The following VWA3A variants were observed in gnomAD, a reference collection of about 807,000 sequenced individuals.
The protein encoded by VWA3A is von Willebrand factor A domain-containing protein 3A.
A neutral mutation model predicts 160.4 loss-of-function variants in VWA3A; 134 were observed. The observed-to-expected ratio is 0.84, with a 90% confidence interval of 0.73 to 0.96. VWA3A has a LOEUF of 0.96. Among genes scored for constraint, VWA3A ranks in the 40% least tolerant of loss-of-function variants. The pLI is 0.00. For missense variants in VWA3A, 1,310 were observed against 1,447.9 expected (o/e 0.90, Z 1.55); for synonymous variants, 476 against 543.4 (o/e 0.88, Z 1.72).
rs1177960431 is a variant in VWA3A at position 22,122,277 on chromosome 16, ATGGG to A, written c.1356+664_1356+667del. Among the ~76,000 whole-genome samples, 5 of 149,046 alleles carry A rather than the reference ATGGG, an allele frequency of 3.4e-5. 1 individual carries two copies. The highest frequency in any genetic ancestry group is 1.3e-4 in the African/African-American group (5 of 39,464). On this transcript the variant is annotated intron_variant, in intron 14 of 33. Coordinates refer to ENST00000389398, the MANE Select transcript of VWA3A (RefSeq NM_173615.5). Reference sequence around the variant, plus strand: ...GATGGATGAGTGGATGGATGGATGGATGGGTGGATGGATGGATGGATGGATGGAT... The same window carrying A: ...GATGGATGAGTGGATGGATGGATGGATGGATGGATGGATGGATGGATGGAT...
rs918400326 is a variant in VWA3A at position 22,103,535 on chromosome 16, G to A, written c.483+6G>A. On this transcript the variant is annotated splice_donor_region_variant and intron_variant, in intron 6 of 33. Coordinates refer to ENST00000389398, the MANE Select transcript of VWA3A (RefSeq NM_173615.5). ...TCACAGAAAACAGCAAGAAGGTAAC[G>A]GGCATAGATTTCATTCTTTGCCCCC... The A allele has an allele frequency of 2.2e-5, 34 of 1,551,450 alleles. No homozygotes were observed. The highest frequency in any genetic ancestry group is 1.4e-4 in the Admixed American group (7 of 50,956).
In VWA3A at chr16:22,155,551, A is replaced by G. The variant is rs1276727082; in HGVS notation, c.3406-16A>G. On this transcript the variant is annotated splice_polypyrimidine_tract_variant and intron_variant, in intron 31 of 33. Coordinates refer to ENST00000389398, the MANE Select transcript of VWA3A (RefSeq NM_173615.5). Reference sequence around the variant, plus strand: ...CCATCCAGTCATAAACTTCACACTCATTTCCTCTTTTCAAGGATCCCACAT... The same window carrying G: ...CCATCCAGTCATAAACTTCACACTCGTTTCCTCTTTTCAAGGATCCCACAT... The G allele has an allele frequency of 6.2e-7, 1 of 1,612,088 alleles. No homozygotes were observed. The highest frequency in any genetic ancestry group is 2.2e-5 in the East Asian group (1 of 44,858).
At chr16:22,131,454 A>G (rs2045946434) in intron 18 of VWA3A, 131 bp from the exon 19 acceptor site, 5 of 1,475,112 alleles carry the variant, frequency 3.4e-6, no homozygotes, top group Middle Eastern at 1.9e-4. Flanking sequence ...CCACCTGGCC[A>G]TCTTCACTTT....
At chr16:22,094,349 A>T (rs1216270164) in intron 1 of VWA3A, among the ~76,000 whole-genome samples, 3 of 150,948 alleles carry the variant, frequency 2.0e-5, no homozygotes, top group Non-Finnish European at 4.4e-5. Flanking sequence ...GCATTGCCAC[A>T]TTATCCTGGT....
At chr16:22,121,440 T>G in intron 13 of VWA3A, 74 bp from the exon 14 acceptor site, 1 of 1,243,820 alleles carries the variant, frequency 8.0e-7, no homozygotes, top group Non-Finnish European at 1.2e-6. Context: ...CAAAACCCTG[T>G]CTCAAAAAAA....
At chr16:22,114,962 T>C (rs2141885244) in intron 8 of VWA3A, among the ~76,000 whole-genome samples, 1 of 152,186 alleles carries the variant, frequency 6.6e-6, no homozygotes, top group East Asian at 1.9e-4. Context: ...TGTACCACCA[T>C]ACCTGGCTAA....
At chr16:22,111,838 A>T (rs945296407) in intron 8 of VWA3A, among the ~76,000 whole-genome samples, 1 of 152,114 alleles carries the variant, frequency 6.6e-6, no homozygotes, top group African/African-American at 2.4e-5. Flanking sequence ...GCTGGTCCTG[A>T]CCTTCTGGCC....
chr16:22,147,868 A>G (rs564265713), intron 27 of VWA3A, among the ~76,000 whole-genome samples: 1 of 152,346 alleles, frequency 6.6e-6, no homozygotes, highest in South Asian at 2.1e-4. Context: ...CTTTAAGGAT[A>G]AGGAAATTCA....
At chr16:22,128,245 G>T (rs2045886535) in intron 17 of VWA3A, among the ~76,000 whole-genome samples, 1 of 152,174 alleles carries the variant, frequency 6.6e-6, no homozygotes, top group African/African-American at 2.4e-5. Context: ...ATACAATCGG[G>T]TTTGCGTCTT....
rs756509297 is a variant in VWA3A at position 22,131,248 on chromosome 16, G to A, written c.1696G>A (p.Val566Met). ...AAGCTGGAGGCCTGAGATGGTTCCC[G>A]TGAGTCACAACAATTTACAAAGTGC... ...IESWRPEMVP[V>M]SHNNLQSAWR... Residue 566 changes from valine to methionine, a missense_variant, in exon 18 of 34, where the codon GTG (valine) becomes ATG (methionine). By Grantham distance (21) the Val-to-Met change is conservative. Coordinates refer to ENST00000389398, the MANE Select transcript of VWA3A (RefSeq NM_173615.5). 24 of 1,613,968 alleles carry A rather than the reference G, an allele frequency of 1.5e-5. No individual in the cohort carries two copies. The highest frequency in any genetic ancestry group is 2.2e-5 in the East Asian group (1 of 44,886).
intron 3 of VWA3A, among the ~76,000 whole-genome samples, chr16:22,099,967 C>T (rs558513956): frequency 1.9e-4 from 29 of 151,904 alleles, no homozygotes; most frequent in Non-Finnish European, 3.8e-4. Flanking sequence ...CCCAGCTACT[C>T]GGGAGGCAGA....
At chr16:22,126,397 C>A in intron 17 of VWA3A, 100 bp downstream of exon 17, 6 of 1,479,436 alleles carry the variant, frequency 4.1e-6, no homozygotes, top group Non-Finnish European at 5.4e-6. Flanking sequence ...TAGATATTGA[C>A]GTCATGGTCA....
intron 19 of VWA3A, chr16:22,132,652 G>A (rs2141962451): frequency 3.9e-6 from 2 of 511,388 alleles, no homozygotes; most frequent in South Asian, 3.4e-5. Context: ...GGCTTCCAGG[G>A]GATGTGGATG....
chr16:22,132,651 G>A (rs1008689534), intron 19 of VWA3A: 1 of 508,636 alleles, frequency 2.0e-6, no homozygotes, highest in Non-Finnish European at 3.5e-6. Flanking sequence ...AGGCTTCCAG[G>A]GGATGTGGAT....
intron 20 of VWA3A, among the ~76,000 whole-genome samples, chr16:22,134,008 G>A (rs2045996933): frequency 6.6e-6 from 1 of 152,052 alleles, no homozygotes; most frequent in Non-Finnish European, 1.5e-5. Context: ...CTGTCACCCA[G>A]GCTGGAGTGC....
chr16:22,116,666 G>T, intron 9 of VWA3A, 93 bp from the exon 10 acceptor site: 1 of 991,834 alleles, frequency 1.0e-6, no homozygotes, highest in East Asian at 2.5e-5. Flanking sequence ...GTTAAGAATG[G>T]GTAGATGTTC....
At position 22,103,538 on chromosome 16, in the gene VWA3A, C is replaced by A; in HGVS notation, c.483+9C>A. Reference sequence around the variant, plus strand: ...CAGAAAACAGCAAGAAGGTAACGGGCATAGATTTCATTCTTTGCCCCCTTT... The same window carrying A: ...CAGAAAACAGCAAGAAGGTAACGGGAATAGATTTCATTCTTTGCCCCCTTT... On this transcript the variant is annotated intron_variant, in intron 6 of 33. Coordinates refer to ENST00000389398, the MANE Select transcript of VWA3A (RefSeq NM_173615.5). 6.4e-7 allele frequency: 1 copy of A among 1,551,546 alleles called. No individual in the cohort carries two copies. Among genetic ancestry groups the A allele is most frequent in the Non-Finnish European group, 8.7e-7 (1 of 1,146,894 alleles).
At chr16:22,118,835 C>A (rs1268045644) in intron 11 of VWA3A, 67 bp from the exon 12 acceptor site, 2 of 1,596,864 alleles carry the variant, frequency 1.3e-6, no homozygotes, top group Non-Finnish European at 1.7e-6. Flanking sequence ...CTGCTTGCCC[C>A]TTCCTGGGTT....
intron 32 of VWA3A, 73 bp from the exon 33 acceptor site, chr16:22,155,778 G>A: frequency 1.2e-6 from 2 of 1,609,610 alleles, no homozygotes; most frequent in South Asian, 1.1e-5. Context: ...AAGGGTTCCT[G>A]CCCTGCTTCT....
Sources: allele counts gnomAD v4.1 joint callset (sites outside exome capture counted in the v4.1 genomes callset), GRCh38; gene constraint gnomAD v4.1.1; transcripts MANE v1.5; gene names NCBI Gene and HGNC (gene_info 2026-07-23, HGNC 2026-07-21).